The following CCDC152 variants were observed in gnomAD, a reference collection of about 807,000 sequenced individuals.
CCDC152 encodes the protein coiled-coil domain containing 152.
In CCDC152, 37 loss-of-function variants were observed where a neutral mutation model predicts 38.1. That is an observed-to-expected ratio of 0.97 (90% confidence interval 0.75 to 1.28). The LOEUF (loss-of-function observed/expected upper bound fraction) is 1.28. CCDC152 is among the 50% of genes most tolerant of loss of function. The pLI, the probability that CCDC152 is intolerant of heterozygous loss-of-function variation, is 0.00. For missense variants in CCDC152, 259 were observed against 292.1 expected (o/e 0.89, Z 0.83); for synonymous variants, 83 against 87.1 (o/e 0.95, Z 0.26).
chr5:42,761,212 T>C (rs751608724), intron 2 of CCDC152, among the ~76,000 whole-genome samples: 18 of 152,216 alleles, frequency 1.2e-4, no homozygotes, highest in Non-Finnish European at 2.2e-4. Flanking sequence ...CAAGAATGTT[T>C]AACCATTACA....
intron 1 of CCDC152, among the ~76,000 whole-genome samples, chr5:42,758,144 A>G (rs1013508307): frequency 9.8e-5 from 15 of 152,360 alleles, no homozygotes; most frequent in African/African-American, 3.4e-4. Context: ...CAAGAAACAA[A>G]ATATACAGCC....
chr5:42,781,020 C>T (rs1331071364), intron 5 of CCDC152, among the ~76,000 whole-genome samples: 1 of 152,064 alleles, frequency 6.6e-6, no homozygotes, highest in Non-Finnish European at 1.5e-5. Context: ...TGGCTCAACC[C>T]AGATAGAATA....
chr5:42,801,389 G>A lies in CCDC152; in HGVS notation c.*1608G>A. 1 of 1,283,632 alleles carries A rather than the reference G, an allele frequency of 7.8e-7. No individual in the cohort carries two copies. Among genetic ancestry groups the A allele is most frequent in the Non-Finnish European group, 1.1e-6 (1 of 931,842 alleles). The allele number at this position is 1,283,632 out of a possible 1,614,324, so 79.5% of individuals were successfully genotyped here. A position where few individuals can be genotyped will look rare whatever the true frequency, so the allele number is the denominator to read the frequency against. ...GCTTATAGAGATAGGAATAATGCGT[G>A]AAAAATGATTTGTAGAGCTAACATG... On this transcript the variant is annotated 3_prime_UTR_variant, in exon 9 of 9. Transcript: ENST00000361970.
chr5:42,795,140 G>A (rs1760057141), intron 6 of CCDC152, among the ~76,000 whole-genome samples: 1 of 152,134 alleles, frequency 6.6e-6, no homozygotes, highest in South Asian at 2.1e-4. Flanking sequence ...ATTAAAATCT[G>A]CTACTATCCT....
intron 6 of CCDC152, among the ~76,000 whole-genome samples, chr5:42,792,042 G>A (rs1196596308): frequency 2.0e-5 from 3 of 152,142 alleles, no homozygotes; most frequent in Non-Finnish European, 2.9e-5. Context: ...TTCACCACAG[G>A]GGAATTGCTA....
intron 3 of CCDC152, among the ~76,000 whole-genome samples, chr5:42,765,675 TC>T (rs1759615055): frequency 1.3e-5 from 2 of 152,244 alleles, no homozygotes; most frequent in African/African-American, 4.8e-5. Context: ...AAGACAGTCT[TC>T]AATAACTGGT....
chr5:42,773,364 G>A (rs1353706717), intron 4 of CCDC152, among the ~76,000 whole-genome samples: 2 of 152,108 alleles, frequency 1.3e-5, no homozygotes, highest in African/African-American at 4.8e-5. Flanking sequence ...AAAATTCAAA[G>A]CCAGTCATCT....
intron 3 of CCDC152, among the ~76,000 whole-genome samples, chr5:42,763,552 G>A (rs908818020): frequency 6.6e-6 from 1 of 152,088 alleles, no homozygotes; most frequent in Non-Finnish European, 1.5e-5. Context: ...TACCTCAGCA[G>A]AAGATCAACA....
rs969474544 is a variant in CCDC152 at position 42,800,651 on chromosome 5, A to G, written c.*870A>G. On this transcript the variant is annotated 3_prime_UTR_variant, in exon 9 of 9. Coordinates refer to ENST00000361970, the MANE Select transcript of CCDC152 (RefSeq NM_001134848.2). ...TCTATTTTTGGTTCACTAATTTGGT[A>G]GTTTATAAAAATGCTGGAAATGAAA... 38 of 1,486,494 alleles carry G rather than the reference A, an allele frequency of 2.6e-5. No homozygotes were observed. The highest frequency in any genetic ancestry group is 3.3e-5 in the Non-Finnish European group (37 of 1,110,476). 92.1% of individuals were successfully genotyped at this position (1,486,494 alleles called of 1,614,324 possible).
Position 42,799,382 on chromosome 5 carries a change from C to A in CCDC152, c.566C>A (p.Ala189Asp). ...CTTTTCAATTTGATTCAGTTTGATG[C>A]CAAACTAGCAAGAGTTCAGACTAAA... The part of the protein sequence containing the change: ...EIIKLQLEFD[A>D]KLARVQTKSK... The change falls in exon 8 of 9, where the codon GCC becomes GAC. Residue 189 changes from alanine to aspartate, a missense_variant. Physicochemically the swap from Ala to Asp is moderately radical, Grantham distance 126. Transcript: ENST00000361970. 1 of 1,521,648 alleles carries A rather than the reference C, an allele frequency of 6.6e-7. No individual in the cohort carries two copies. The highest frequency in any genetic ancestry group is 8.9e-7 in the Non-Finnish European group (1 of 1,128,492). 94.3% of individuals were successfully genotyped at this position (1,521,648 alleles called of 1,614,324 possible).
At position 42,774,742 on chromosome 5, in the gene CCDC152, A is replaced by G. The variant is rs2972775; in HGVS notation, c.263-4716A>G. On this transcript the variant is annotated intron_variant, in intron 4 of 8. Transcript: ENST00000361970. ...GGTCTTGAGCTTTGTACAAAAAATT[A>G]CAAGGCACACTAAAAGAAAAAAAAT... Among the ~76,000 whole-genome samples, 318 of 152,338 alleles carry G rather than the reference A, an allele frequency of 2.1e-3. 2 individuals carry two copies. Among genetic ancestry groups the G allele is most frequent in the African/African-American group, 7.2e-3 (301 of 41,572 alleles).
intron 3 of CCDC152, among the ~76,000 whole-genome samples, chr5:42,765,881 G>C (rs1759617476): frequency 6.6e-6 from 1 of 152,146 alleles, no homozygotes. Context: ...TAACCCACAA[G>C]CACAAGCAAC....
At position 42,801,215 on chromosome 5, in the gene CCDC152, G is replaced by A. The variant is rs755124364; in HGVS notation, c.*1434G>A. ...TCTCTGAAAGCTCACTGCTGCCAAG[G>A]TGCTGATGTCCATGATTGTGATGAT... On this transcript the variant is annotated 3_prime_UTR_variant, in exon 9 of 9. Coordinates refer to ENST00000361970, the MANE Select transcript of CCDC152 (RefSeq NM_001134848.2). 2 of 1,614,078 alleles carry A rather than the reference G, an allele frequency of 1.2e-6. No homozygotes were observed. Among genetic ancestry groups the A allele is most frequent in the Non-Finnish European group, 8.5e-7 (1 of 1,180,016 alleles).
In CCDC152 at chr5:42,799,459, G is replaced by C; in HGVS notation, c.642+1G>C. ...TTTGCCACAAAGTATCTACAGAAGGGTATGTGAGTTTTCCTCTCAGTATTT... is the reference window on the plus strand; with the variant it reads ...TTTGCCACAAAGTATCTACAGAAGGCTATGTGAGTTTTCCTCTCAGTATTT... On this transcript the variant is annotated splice_donor_variant, in intron 8 of 8. Coordinates refer to ENST00000361970, the MANE Select transcript of CCDC152 (RefSeq NM_001134848.2). LOFTEE classifies it high-confidence loss of function. 1.3e-6 allele frequency: 2 copies of C among 1,515,214 alleles called. No individual in the cohort carries two copies. The highest frequency in any genetic ancestry group is 1.8e-6 in the Non-Finnish European group (2 of 1,121,970). The allele number at this position is 1,515,214 out of a possible 1,614,324, so 93.9% of individuals were successfully genotyped here. A position where few individuals can be genotyped will look rare whatever the true frequency, so the allele number is the denominator to read the frequency against.
At chr5:42,783,433 ATATT>A (rs774247882) in intron 5 of CCDC152, 37 bp from the exon 6 acceptor site, 1 of 812,992 alleles carries the variant, frequency 1.2e-6, no homozygotes, top group Admixed American at 4.8e-5. Flanking sequence ...TTATATACAC[ATATT>A]TAAATTTTAA....
chr5:42,779,429 TATG>T (rs1397193138), intron 4 of CCDC152, 26 bp from the exon 5 acceptor site: 2 of 1,251,446 alleles, frequency 1.6e-6, no homozygotes, highest in Admixed American at 4.3e-5. Context: ...TGCTATATAT[TATG>T]ATGTTCTTTG....
Position 42,800,606 on chromosome 5 carries a change from A to G in CCDC152, c.*825A>G. On this transcript the variant is annotated 3_prime_UTR_variant, in exon 9 of 9. Coordinates refer to ENST00000361970, the MANE Select transcript of CCDC152 (RefSeq NM_001134848.2). ...GGAAGCCAATTCAGTAGATTTCTCC[A>G]TGTTTGCACAAATCTAATTTCTATT... 1 of 1,275,430 alleles carries G rather than the reference A, an allele frequency of 7.8e-7. No individual in the cohort carries two copies. Among genetic ancestry groups the G allele is most frequent in the Non-Finnish European group, 1.1e-6 (1 of 935,292 alleles). The allele number at this position is 1,275,430 out of a possible 1,614,324, so 79.0% of individuals were successfully genotyped here.
chr5:42,759,675 T>C (rs995468542), intron 2 of CCDC152, among the ~76,000 whole-genome samples: 1 of 152,218 alleles, frequency 6.6e-6, no homozygotes, highest in East Asian at 1.9e-4. Flanking sequence ...TTTTGACCAG[T>C]GTATCCATGT....
chr5:42,779,857 G>A (rs1308106575), intron 5 of CCDC152, among the ~76,000 whole-genome samples: 1 of 151,790 alleles, frequency 6.6e-6, no homozygotes, highest in Non-Finnish European at 1.5e-5. Context: ...AACTCTATTT[G>A]TTACTACTTG....
Sources: gnomAD v4.1 joint callset for allele counts (sites outside exome capture counted in the v4.1 genomes callset) on GRCh38, gnomAD v4.1.1 for gene constraint, MANE v1.5 for transcripts, NCBI Gene and HGNC (gene_info 2026-07-23, HGNC 2026-07-21) for gene names.